Variants in COQ6 observed in about 807,000 individuals in gnomAD.
COQ6 encodes ubiquinone biosynthesis monooxygenase COQ6, mitochondrial.
Under a neutral mutation model 55.5 loss-of-function variants are expected in COQ6, and 45 were observed. The ratio of observed to expected loss-of-function variants is 0.81; its 90% confidence interval spans 0.64 to 1.04. The LOEUF is 1.04. COQ6 is among the 50% of genes least tolerant of loss of function. The pLI is 0.00. For synonymous variants in COQ6, 206 were observed against 230.5 expected (o/e 0.89, Z 0.96); for missense variants, 550 against 601.3 (o/e 0.91, Z 0.89).
At chr14:73,959,259 A>T (rs772524163) in intron 7 of COQ6, 35 bp downstream of exon 7, 2 of 1,614,102 alleles carry the variant, frequency 1.2e-6, no homozygotes, top group African/African-American at 2.7e-5. Context: ...GCCCACATGC[A>T]TGCAAGCCTT....
chr14:73,961,769 G>C lies in COQ6; in HGVS notation c.1243G>C (p.Glu415Gln). 2 of 1,614,190 alleles carry C rather than the reference G, an allele frequency of 1.2e-6. No individual in the cohort carries two copies. The highest frequency in any genetic ancestry group is 1.7e-6 in the Non-Finnish European group (2 of 1,180,040). ...SVSHLTGYET[E>Q]RQRHNTALLA... The stretch of plus-strand genomic sequence containing the variant: ...GAGCCACCTCACAGGTTATGAAACA[G>C]AAAGACAGCGTCACAACACTGCTCT... Residue 415 changes from glutamate to glutamine, a missense_variant, in exon 11 of 12, where the codon GAA becomes CAA. Glu to Gln is a conservative substitution (Grantham distance 29). Coordinates refer to ENST00000334571, the MANE Select transcript of COQ6 (RefSeq NM_182476.3).
At position 73,955,891 on chromosome 14, in the gene COQ6, C is replaced by T. The variant is rs1444684133; in HGVS notation, c.444C>T (p.Ile148=). The change falls in exon 4 of 12, where the codon ATC becomes ATT. Residue 148 remains isoleucine (I), a synonymous_variant. Transcript: ENST00000334571. The part of the protein sequence containing the change: ...DMGYIVENDV[I]MHALTKQLEA... ...GCTATATCGTGGAGAATGATGTCAT[C>T]ATGCATGCTCTCACTAAGCAGTTGG... 6.2e-7 allele frequency: 1 copy of T among 1,614,022 alleles called. No homozygotes were observed. Among genetic ancestry groups the T allele is most frequent in the Non-Finnish European group, 8.5e-7 (1 of 1,180,040 alleles).
In COQ6 at chr14:73,959,200, C is replaced by T. The variant is rs1182815693; in HGVS notation, c.759C>T (p.Pro253=). 2.5e-6 allele frequency: 4 copies of T among 1,614,110 alleles called. No individual in the cohort carries two copies. Among genetic ancestry groups the T allele is most frequent in the Middle Eastern group, 1.6e-4 (1 of 6,084 alleles). Residue 253 remains proline, a synonymous_variant, in exon 7 of 12, where the codon CCC becomes CCT. Transcript: ENST00000334571. ...ACGTAGCCTGGCAGAGATTTCTTCC[C>T]TCTGGGCCTATTGCTCTGCTCCCGG... The part of the protein sequence containing the change: ...ENNVAWQRFL[P]SGPIALLPLS...
intron 1 of COQ6, 112 bp downstream of exon 1, chr14:73,950,607 C>A (rs1456097211): frequency 1.4e-6 from 2 of 1,436,358 alleles, no homozygotes; most frequent in African/African-American, 1.4e-5. Flanking sequence ...GGTCTCGCGA[C>A]GCTTCTCCCC....
intron 1 of COQ6, among the ~76,000 whole-genome samples, chr14:73,951,562 G>A (rs760580089): frequency 4.0e-5 from 6 of 150,908 alleles, no homozygotes; most frequent in Admixed American, 4.0e-4. Flanking sequence ...TCCTGATCTC[G>A]TGATCCACCT....
intron 2 of COQ6, 189 bp downstream of exon 2, chr14:73,953,758 A>T: frequency 1.4e-6 from 1 of 697,302 alleles, no homozygotes; most frequent in Non-Finnish European, 2.5e-6. Flanking sequence ...CTACTGCCTC[A>T]ACTCCCTGTC....
chr14:73,953,240 G>T (rs761750098), intron 1 of COQ6, among the ~76,000 whole-genome samples, 195 bp from the exon 2 acceptor site: 7 of 152,136 alleles, frequency 4.6e-5, no homozygotes, highest in Non-Finnish European at 1.0e-4. Context: ...AAGTCTTACA[G>T]TTGTGGGCAG....
rs1256132054 is a variant in COQ6 at position 73,963,645 on chromosome 14, A to G, written c.*646A>G. 6.5e-6 allele frequency: 1 copy of G among 152,766 alleles called. No homozygotes were observed. Among genetic ancestry groups the G allele is most frequent in the Admixed American group, 6.5e-5 (1 of 15,332 alleles). 9.5% of individuals were successfully genotyped at this position (152,766 alleles called of 1,614,324 possible). A position where few individuals can be genotyped will look rare whatever the true frequency, so the allele number is the denominator to read the frequency against. ...CCGAAGACCTCAGGAACCAGATCAC[A>G]AGGGAAACCGATTAGCAGCAGAATT... On this transcript the variant is annotated 3_prime_UTR_variant, in exon 12 of 12. Transcript: ENST00000334571.
chr14:73,959,216 C>T lies in COQ6; in HGVS notation c.775C>T (p.Leu259=), dbSNP rs539213991. Residue 259 remains leucine (L), a synonymous_variant, in exon 7 of 12, where the codon CTG becomes TTG. Transcript: ENST00000334571. ...ATTTCTTCCCTCTGGGCCTATTGCT[C>T]TGCTCCCGGTAAGAGGTCCTTCTGA... ...QRFLPSGPIA[L]LPLSDTLSSL... 8.1e-6 allele frequency: 13 copies of T among 1,614,118 alleles called. No homozygotes were observed. The highest frequency in any genetic ancestry group is 1.0e-5 in the Non-Finnish European group (12 of 1,180,046).
intron 4 of COQ6, 196 bp from the exon 5 acceptor site, chr14:73,957,950 CT>C (rs1191647899): frequency 7.0e-6 from 4 of 569,544 alleles, no homozygotes; most frequent in African/African-American, 1.9e-5. Flanking sequence ...ACTTCAATGT[CT>C]TTTTTTGACA....
At chr14:73,954,311 G>C (rs1352207957) in intron 2 of COQ6, among the ~76,000 whole-genome samples, 1 of 152,140 alleles carries the variant, frequency 6.6e-6, no homozygotes, top group African/African-American at 2.4e-5. Context: ...CTAAAAAATA[G>C]AACATAGGCC....
Position 73,956,220 on chromosome 14 carries a change from T to C in COQ6, c.481+292T>C, listed in dbSNP as rs1985969. On this transcript the variant is annotated intron_variant, in intron 4 of 11. Transcript: ENST00000334571. The stretch of plus-strand genomic sequence containing the variant: ...GCGGGCGCCTATAGACCCAGCTACT[T>C]GGGAGGCTGAGGCAGGAGAATGGCG... The C allele has an allele frequency of 0.6, 212,502 of 353,950 alleles. 65,849 individuals are homozygous for C. Among genetic ancestry groups the C allele is most frequent in the Admixed American group, 0.67 (17,814 of 26,472 alleles). 21.9% of individuals were successfully genotyped at this position (353,950 alleles called of 1,614,324 possible).
chr14:73,963,406 GA>G lies in COQ6; in HGVS notation c.*409del, dbSNP rs2056845994. 1 of 277,342 alleles carries G rather than the reference GA, an allele frequency of 3.6e-6. No individual in the cohort carries two copies. The highest frequency in any genetic ancestry group is 4.8e-5 in the Admixed American group (1 of 20,680). 17.2% of individuals were successfully genotyped at this position (277,342 alleles called of 1,614,324 possible). ...AATTAGACTCGATGCATTTTTGTTA[GA>G]ATTGCTGTTTAAATGTTAACATCAG... On this transcript the variant is annotated 3_prime_UTR_variant, in exon 12 of 12. Transcript: ENST00000334571.
In COQ6 at chr14:73,961,900, C is replaced by CA. The variant is rs2056754415; in HGVS notation, c.1377dup (p.Glu460ArgfsTer41). 1.2e-6 allele frequency: 2 copies of CA among 1,614,008 alleles called. No homozygotes were observed. Among genetic ancestry groups the CA allele is most frequent in the African/African-American group, 1.3e-5 (1 of 74,920 alleles). On this transcript the variant is annotated frameshift_variant, in exon 11 of 12. Transcript: ENST00000334571. LOFTEE classifies it high-confidence loss of function. ...AGGCCACAAATGCAGTGTCTCCACT[C>CA]AAAGTAAGAGGTTGCTCAGAGGAAT... is the stretch of plus-strand genomic sequence containing the variant.
Position 73,963,106 on chromosome 14 carries a change from A to T in COQ6, c.*107A>T. 1 of 974,978 alleles carries T rather than the reference A, an allele frequency of 1.0e-6. No homozygotes were observed. Among genetic ancestry groups the T allele is most frequent in the Non-Finnish European group, 1.6e-6 (1 of 610,034 alleles). 60.4% of individuals were successfully genotyped at this position (974,978 alleles called of 1,614,324 possible). A position where few individuals can be genotyped will look rare whatever the true frequency, so the allele number is the denominator to read the frequency against. On this transcript the variant is annotated 3_prime_UTR_variant, in exon 12 of 12. Transcript: ENST00000334571. Reference sequence around the variant, plus strand: ...ATTTAATTTAATAAACTTACTTTACATTAAAATTCTCTTTTTCTTCTTTGC... The same window carrying T: ...ATTTAATTTAATAAACTTACTTTACTTTAAAATTCTCTTTTTCTTCTTTGC...
rs759634155 is a variant in COQ6, at chr14:73,963,072, C to T, written c.*73C>T. 1 of 1,202,448 alleles carries T rather than the reference C, an allele frequency of 8.3e-7. No homozygotes were observed. The highest frequency in any genetic ancestry group is 1.2e-5 in the South Asian group (1 of 81,918). The allele number at this position is 1,202,448 out of a possible 1,614,324, so 74.5% of individuals were successfully genotyped here. On this transcript the variant is annotated 3_prime_UTR_variant, in exon 12 of 12. Transcript: ENST00000334571. ...GCCCAGGACCCATCATACATATTTT[C>T]AAGATCTTATTTAATTTAATAAACT... is the stretch of plus-strand genomic sequence containing the variant.
rs773886692 is a variant in COQ6, at chr14:73,953,451, T to C, written c.180T>C (p.Phe60=). ...TTTTTTAAGGATATGATATTCACTT[T>C]CATGACAAGAAAATCCTGTTGCTCG... The part of the protein sequence containing the change: ...MACALGYDIH[F]HDKKILLLEA... The change falls in exon 2 of 12, where the codon TTT becomes TTC. Residue 60 remains phenylalanine (F), a synonymous_variant. Transcript: ENST00000334571. 5.3e-5 allele frequency: 86 copies of C among 1,613,856 alleles called. No homozygotes were observed. In the Admixed American group the frequency reaches 1.4e-3, roughly 27 times the overall value.
In COQ6 at chr14:73,958,464, A is replaced by G. The variant is rs868065949; in HGVS notation, c.612+187A>G. ...CATCGTAAATCCTGTACAGGGAGCA[A>G]TCTCATGGGCCGTCTTAGGTTGTGA... On this transcript the variant is annotated intron_variant, in intron 5 of 11. Coordinates refer to ENST00000334571, the MANE Select transcript of COQ6 (RefSeq NM_182476.3). 200 of 1,454,742 alleles carry G rather than the reference A, an allele frequency of 1.4e-4. 3 individuals carry two copies. In the South Asian group the frequency reaches 2.0e-3, roughly 14 times the overall value. 90.1% of individuals were successfully genotyped at this position (1,454,742 alleles called of 1,614,324 possible).
Position 73,961,298 on chromosome 14 carries a change from T to A in COQ6, c.1017T>A (p.Asp339Glu). ...TGCCCCCAAGCGTAGCCAGGGTGGA[T>A]GCCAAAAGCCGAGTTCTGTTTCCTC... is the stretch of plus-strand genomic sequence containing the variant. ...RQLPPSVARV[D>E]AKSRVLFPLG... The change falls in exon 9 of 12, where the codon GAT becomes GAA. Residue 339 changes from aspartate to glutamate, a missense_variant. Coordinates refer to ENST00000334571, the MANE Select transcript of COQ6 (RefSeq NM_182476.3). 6.2e-7 allele frequency: 1 copy of A among 1,614,168 alleles called. No individual in the cohort carries two copies. The highest frequency in any genetic ancestry group is 8.5e-7 in the Non-Finnish European group (1 of 1,180,022).
Sources: gnomAD v4.1 joint callset for allele counts (sites outside exome capture counted in the v4.1 genomes callset) on GRCh38, gnomAD v4.1.1 for gene constraint, MANE v1.5 for transcripts, NCBI Gene and HGNC (gene_info 2026-07-23, HGNC 2026-07-21) for gene names.